The following EBF1 variants were observed in gnomAD, a reference collection of about 807,000 sequenced individuals.
EBF1 encodes transcription factor COE1.
In EBF1, 10 loss-of-function variants were observed where a neutral mutation model predicts 68.4. The observed-to-expected ratio is 0.15, with a 90% CI of 0.09 to 0.25. The LOEUF is 0.25. Among genes scored for constraint, EBF1 ranks in the 10% least tolerant of loss-of-function variants. EBF1 has a pLI of 1.00. For missense variants in EBF1, 509 were observed against 794.4 expected (o/e 0.64, Z 4.32); for synonymous variants, 298 against 299.8 (o/e 0.99, Z 0.06).
At chr5:158,942,419 T>C (rs947027675) in intron 6 of EBF1, among the ~76,000 whole-genome samples, 1 of 152,244 alleles carries the variant, frequency 6.6e-6, no homozygotes, top group African/African-American at 2.4e-5. Flanking sequence ...AAAGTTTATT[T>C]ATAAATTGGG....
intron 6 of EBF1, among the ~76,000 whole-genome samples, chr5:158,966,324 G>A (rs1297830943): frequency 6.6e-6 from 1 of 152,022 alleles, no homozygotes; most frequent in Non-Finnish European, 1.5e-5. Flanking sequence ...TTGACCAAAA[G>A]GTTCTGCCAC....
At chr5:158,771,437 T>C (rs555795702) in intron 10 of EBF1, among the ~76,000 whole-genome samples, 1 of 152,286 alleles carries the variant, frequency 6.6e-6, no homozygotes, top group African/African-American at 2.4e-5. Flanking sequence ...GGACAGATTC[T>C]TAATTAACAG....
chr5:159,050,148 C>CTCTT (rs1305395765), intron 6 of EBF1, among the ~76,000 whole-genome samples: 8 of 115,974 alleles, frequency 6.9e-5, no homozygotes, highest in Admixed American at 1.8e-4. Context: ...AGGTTCGTTT[C>CTCTT]TCTTTCTCTC....
Position 159,015,450 on chromosome 5 carries a change from G to T in EBF1, c.554+57946C>A, listed in dbSNP as rs527316600. 2.6e-5 allele frequency among the ~76,000 whole-genome samples: 4 copies of T among 152,326 alleles called. No homozygotes were observed. The South Asian group carries it at 8.3e-4, about 32-fold the overall frequency. On this transcript the variant is annotated intron_variant, in intron 6 of 15. Coordinates refer to ENST00000313708, the MANE Select transcript of EBF1 (RefSeq NM_024007.5). Reference sequence around the variant, plus strand: ...AGGAACTCAGCTTGGAGCTGATCTTGAAGCAACTTCTAGAGATAAGGTGAG... The same window carrying T: ...AGGAACTCAGCTTGGAGCTGATCTTTAAGCAACTTCTAGAGATAAGGTGAG...
intron 8 of EBF1, 75 bp downstream of exon 8, chr5:158,823,101 G>C (rs1385641317): frequency 6.3e-7 from 1 of 1,586,100 alleles, no homozygotes; most frequent in Non-Finnish European, 8.7e-7. Flanking sequence ...AGAACATGTG[G>C]TGGAGTGGAA....
chr5:158,760,788 A>T (rs1561849093), intron 10 of EBF1, among the ~76,000 whole-genome samples: 1 of 152,100 alleles, frequency 6.6e-6, no homozygotes, highest in East Asian at 1.9e-4. Flanking sequence ...ATTATAGATG[A>T]GTTGTGTTAT....
rs145307239 is a variant in EBF1 at position 158,832,159 on chromosome 5, C to G, written c.636+7870G>C. On this transcript the variant is annotated intron_variant, in intron 7 of 15. Coordinates refer to ENST00000313708, the MANE Select transcript of EBF1 (RefSeq NM_024007.5). ...TGGTAATCACTGATCAAACCAAACACTTTTACATTCATCCTTTAATGTATT... is the reference window on the plus strand; with the variant it reads ...TGGTAATCACTGATCAAACCAAACAGTTTTACATTCATCCTTTAATGTATT... 8.1e-4 allele frequency among the ~76,000 whole-genome samples: 124 copies of G among 152,330 alleles called. 1 individual carries two copies. The highest frequency in any genetic ancestry group is 2.8e-3 in the African/African-American group (115 of 41,572).
At chr5:158,793,751 A>G (rs1779121866) in intron 9 of EBF1, among the ~76,000 whole-genome samples, 1 of 152,198 alleles carries the variant, frequency 6.6e-6, no homozygotes, top group South Asian at 2.1e-4. Flanking sequence ...GTGCCTACAC[A>G]TGATGAACCC....
intron 6 of EBF1, among the ~76,000 whole-genome samples, chr5:158,990,008 CACA>C (rs1759969191): frequency 6.6e-6 from 1 of 152,050 alleles, no homozygotes; most frequent in Admixed American, 6.6e-5. Context: ...GCAAACAAAA[CACA>C]ACAACACTTC....
chr5:159,011,596 T>C (rs953186158), intron 6 of EBF1, among the ~76,000 whole-genome samples: 1 of 152,238 alleles, frequency 6.6e-6, no homozygotes, highest in African/African-American at 2.4e-5. Flanking sequence ...CTCCAAAGTT[T>C]GCTAAAAAGC....
At chr5:158,770,341 T>C (rs997208027) in intron 10 of EBF1, among the ~76,000 whole-genome samples, 1 of 152,074 alleles carries the variant, frequency 6.6e-6, no homozygotes, top group African/African-American at 2.4e-5. Context: ...CCAAATCTCT[T>C]TCCCAGACTA....
At chr5:158,778,702 G>T (rs372689974) in intron 9 of EBF1, among the ~76,000 whole-genome samples, 99 of 152,108 alleles carry the variant, frequency 6.5e-4, no homozygotes, top group Non-Finnish European at 1.0e-3. Flanking sequence ...AAAATAATTT[G>T]AGAAAGTTGT....
intron 6 of EBF1, among the ~76,000 whole-genome samples, chr5:159,025,660 T>C (rs1767584236): frequency 6.6e-6 from 1 of 152,208 alleles, no homozygotes. Flanking sequence ...TTATTTCCAA[T>C]CTTTGAGGTC....
chr5:158,970,445 A>G (rs1313070767), intron 6 of EBF1, among the ~76,000 whole-genome samples: 1 of 152,244 alleles, frequency 6.6e-6, no homozygotes, highest in Admixed American at 6.5e-5. Flanking sequence ...AAATAATAAT[A>G]AAATAACCCA....
chr5:158,698,060 TG>T lies in EBF1; in HGVS notation c.*1050del. 1 of 216,992 alleles carries T rather than the reference TG, an allele frequency of 4.6e-6. No homozygotes were observed. Among genetic ancestry groups the T allele is most frequent in the East Asian group, 6.8e-5 (1 of 14,740 alleles). The allele number at this position is 216,992 out of a possible 1,614,324, so 13.4% of individuals were successfully genotyped here. On this transcript the variant is annotated 3_prime_UTR_variant, in exon 16 of 16. Coordinates refer to ENST00000313708, the MANE Select transcript of EBF1 (RefSeq NM_024007.5). ...AGGGTCGACTGATAGAGGCAGTATC[TG>T]GAATGGGAAAATCGAAAATACCTGC...
At chr5:159,094,141 C>A (rs1782128976) in intron 4 of EBF1, among the ~76,000 whole-genome samples, 1 of 42,466 alleles carries the variant, frequency 2.4e-5, no homozygotes. Context: ...AAAAATCAGG[C>A]TTTTGTGTTT....
rs984695217 is a variant in EBF1, at chr5:158,942,312, C to T, written c.555-102202G>A. ...ATATCATTAACTAACTGTCAAGAGC[C>T]CTAGCTCTGAAATCAGACCACCTGC... is the stretch of plus-strand genomic sequence containing the variant. On this transcript the variant is annotated intron_variant, in intron 6 of 15. Transcript: ENST00000313708. Among the ~76,000 whole-genome samples, 3 of 152,148 alleles carry T rather than the reference C, an allele frequency of 2.0e-5. No homozygotes were observed. In the South Asian group the frequency reaches 6.2e-4, roughly 32 times the overall value.
chr5:158,749,749 G>A (rs1255982323), intron 10 of EBF1, among the ~76,000 whole-genome samples: 1 of 152,116 alleles, frequency 6.6e-6, no homozygotes. Flanking sequence ...TTACACGGCA[G>A]GAATATTTTC....
chr5:158,930,910 A>G (rs1810743625), intron 6 of EBF1, among the ~76,000 whole-genome samples: 1 of 152,074 alleles, frequency 6.6e-6, no homozygotes, highest in African/African-American at 2.4e-5. Context: ...ACATTTTCAT[A>G]TCTTGCACAA....
Sources: allele counts gnomAD v4.1 joint callset (sites outside exome capture counted in the v4.1 genomes callset), GRCh38; gene constraint gnomAD v4.1.1; transcripts MANE v1.5; gene names NCBI Gene and HGNC (gene_info 2026-07-23, HGNC 2026-07-21).